Variants in FHIT observed in about 807,000 individuals in gnomAD.
The protein encoded by FHIT is fragile histidine triad diadenosine triphosphatase.
Under a neutral mutation model 17.9 loss-of-function variants are expected in FHIT, and 19 were observed. That is an observed-to-expected ratio of 1.06 (90% CI 0.74 to 1.56). FHIT has a LOEUF of 1.56. FHIT is among the 40% of genes most tolerant of loss of function. The pLI, the probability that FHIT is intolerant of heterozygous loss-of-function variation, is 0.00. For synonymous variants in FHIT, 81 were observed against 69.7 expected (o/e 1.16, Z -0.81); for missense variants, 248 against 189.2 (o/e 1.31, Z -1.82).
At chr3:60,788,494 A>T (rs1700659495) in intron 4 of FHIT, among the ~76,000 whole-genome samples, 1 of 152,186 alleles carries the variant, frequency 6.6e-6, no homozygotes, top group Admixed American at 6.5e-5. Context: ...GTATACATGC[A>T]CATGTGTATA....
intron 5 of FHIT, among the ~76,000 whole-genome samples, chr3:60,342,194 T>G (rs1710552902): frequency 6.6e-6 from 1 of 152,210 alleles, no homozygotes; most frequent in Non-Finnish European, 1.5e-5. Context: ...GACCCTCCTT[T>G]TATCTGCATC....
Position 60,478,514 on chromosome 3 carries a change from A to C in FHIT, c.103+58346T>G, listed in dbSNP as rs2033454926. 2.0e-5 allele frequency among the ~76,000 whole-genome samples: 3 copies of C among 152,168 alleles called. No homozygotes were observed. In the South Asian group the frequency reaches 6.2e-4, roughly 32 times the overall value. On this transcript the variant is annotated intron_variant, in intron 5 of 9. Transcript: ENST00000492590. ...TTGCGGCAAAGAAAGTGCACTTTAC[A>C]TAAAAAAACAATAGAATGCATCTGG... is the stretch of plus-strand genomic sequence containing the variant.
intron 5 of FHIT, among the ~76,000 whole-genome samples, chr3:60,521,574 C>T (rs1004068729): frequency 6.6e-6 from 1 of 152,136 alleles, no homozygotes; most frequent in Non-Finnish European, 1.5e-5. Context: ...TACCATGCTT[C>T]CAATATGCCA....
chr3:60,988,311 C>G (rs559026617), intron 3 of FHIT, among the ~76,000 whole-genome samples: 1 of 152,294 alleles, frequency 6.6e-6, no homozygotes, highest in African/African-American at 2.4e-5. Flanking sequence ...AGTTTTAGCA[C>G]TTGCCCCATT....
rs899834583 is a variant in FHIT, at chr3:59,749,139, T to G, written c.*446A>C. On this transcript the variant is annotated 3_prime_UTR_variant, in exon 10 of 10. Transcript: ENST00000492590. ...CCTATTTACTAACACATTTCAGGGGTTTCATGAACCACTTAATGTATAAAA... is the reference window on the plus strand; with the variant it reads ...CCTATTTACTAACACATTTCAGGGGGTTCATGAACCACTTAATGTATAAAA... Among the ~76,000 whole-genome samples, 17 of 151,628 alleles carry G rather than the reference T, an allele frequency of 1.1e-4. 1 individual carries two copies. The highest frequency in any genetic ancestry group is 6.8e-3 in the Middle Eastern group (2 of 292).
intron 5 of FHIT, among the ~76,000 whole-genome samples, chr3:60,382,441 G>A (rs530747753): frequency 1.3e-5 from 2 of 152,286 alleles, no homozygotes; most frequent in East Asian, 3.9e-4. Flanking sequence ...TCCTGAATAC[G>A]ATCCGTAATC....
chr3:60,433,257 C>CAT (rs1235452417), intron 5 of FHIT, among the ~76,000 whole-genome samples: 73 of 151,500 alleles, frequency 4.8e-4, no homozygotes, highest in African/African-American at 1.4e-3. Flanking sequence ...GAATAATGTT[C>CAT]ATATATATAT....
intron 5 of FHIT, among the ~76,000 whole-genome samples, chr3:60,101,389 G>T (rs1444432679): frequency 6.6e-6 from 1 of 152,118 alleles, no homozygotes; most frequent in Admixed American, 6.5e-5. Flanking sequence ...CTTTGACCTG[G>T]AGCTCTCTTC....
chr3:60,738,535 C>G (rs996133809), intron 4 of FHIT, among the ~76,000 whole-genome samples: 1 of 152,150 alleles, frequency 6.6e-6, no homozygotes, highest in Non-Finnish European at 1.5e-5. Context: ...TTACCGTGAC[C>G]GCAAGGATGG....
chr3:60,340,146 C>G (rs1285517210), intron 5 of FHIT, among the ~76,000 whole-genome samples: 2 of 152,094 alleles, frequency 1.3e-5, no homozygotes, highest in East Asian at 3.9e-4. Flanking sequence ...GGACTTATTA[C>G]AGAAACAGTG....
At chr3:60,549,142 T>A (rs1167555875) in intron 4 of FHIT, among the ~76,000 whole-genome samples, 1 of 152,206 alleles carries the variant, frequency 6.6e-6, no homozygotes, top group Non-Finnish European at 1.5e-5. Flanking sequence ...TGTCAACTCA[T>A]ACATAAGCTA....
chr3:59,947,297 A>C (rs902390849), intron 7 of FHIT, among the ~76,000 whole-genome samples: 29 of 152,164 alleles, frequency 1.9e-4, no homozygotes, highest in Admixed American at 6.5e-4. Context: ...ATTTGTGTGC[A>C]TAGAAGTAGT....
At chr3:60,007,348 T>C (rs1233304201) in intron 7 of FHIT, among the ~76,000 whole-genome samples, 1 of 152,230 alleles carries the variant, frequency 6.6e-6, no homozygotes, top group Admixed American at 6.5e-5. Flanking sequence ...ACACCTGGAA[T>C]ATAGAAGACT....
intron 2 of FHIT, among the ~76,000 whole-genome samples, chr3:61,070,639 C>T (rs981187026): frequency 2.0e-5 from 3 of 152,214 alleles, no homozygotes; most frequent in Admixed American, 6.5e-5. Flanking sequence ...TCTTCATAAC[C>T]AATATGTTGC....
intron 5 of FHIT, among the ~76,000 whole-genome samples, chr3:60,332,211 G>C (rs995092153): frequency 3.3e-5 from 5 of 152,188 alleles, no homozygotes; most frequent in Non-Finnish European, 7.4e-5. Context: ...TGGTATGAGA[G>C]AGGTTAAGAA....
At chr3:60,146,070 C>G (rs1700225363) in intron 5 of FHIT, among the ~76,000 whole-genome samples, 1 of 152,016 alleles carries the variant, frequency 6.6e-6, no homozygotes, top group Non-Finnish European at 1.5e-5. Flanking sequence ...ATCATAATGG[C>G]AAAATAAATA....
chr3:60,090,315 A>C (rs1004528138), intron 5 of FHIT, among the ~76,000 whole-genome samples: 1 of 152,186 alleles, frequency 6.6e-6, no homozygotes, highest in African/African-American at 2.4e-5. Context: ...CATACCCATC[A>C]CTGGAGAAAT....
At chr3:60,082,111 C>T (rs899875398) in intron 5 of FHIT, among the ~76,000 whole-genome samples, 4 of 150,810 alleles carry the variant, frequency 2.7e-5, no homozygotes, top group African/African-American at 9.7e-5. Context: ...TTTTTCAATC[C>T]TTGACCCCCT....
At chr3:59,763,396 C>T (rs1180701676) in intron 8 of FHIT, among the ~76,000 whole-genome samples, 3 of 152,234 alleles carry the variant, frequency 2.0e-5, no homozygotes, top group South Asian at 2.1e-4. Flanking sequence ...CTCAACACAA[C>T]ATTGCAGGCA....
Sources: allele counts gnomAD v4.1 joint callset (sites outside exome capture counted in the v4.1 genomes callset), GRCh38; gene constraint gnomAD v4.1.1; transcripts MANE v1.5; gene names NCBI Gene and HGNC (gene_info 2026-07-23, HGNC 2026-07-21).